SLC24A2: variants seen among roughly 807,000 people sequenced by gnomAD.
SLC24A2 encodes the protein solute carrier family 24 member 2.
Under a neutral mutation model 62.0 loss-of-function variants are expected in SLC24A2, and 36 were observed. The ratio of observed to expected loss-of-function variants is 0.58; its 90% CI spans 0.44 to 0.77. SLC24A2 has a LOEUF of 0.77. Among genes scored for constraint, SLC24A2 ranks in the 30% least tolerant of loss-of-function variants. The pLI, the probability that SLC24A2 is intolerant of heterozygous loss-of-function variation, is 0.00. For synonymous variants in SLC24A2, 358 were observed against 294.0 expected (o/e 1.22, Z -2.23); for missense variants, 846 against 817.9 (o/e 1.03, Z -0.42).
chr9:20,131,620 T>A, the SLC24A2 span, among the ~76,000 whole-genome samples: 1 of 152,148 alleles, frequency 6.6e-6, no homozygotes, highest in Non-Finnish European at 1.5e-5. Context: ...AGGAGGCTTT[T>A]GATTATTCTT....
chr9:19,885,180 A>C, the SLC24A2 span, among the ~76,000 whole-genome samples: 274 of 152,312 alleles, frequency 1.8e-3, no homozygotes, highest in African/African-American at 6.4e-3. Flanking sequence ...CCTCAAGAAG[A>C]ACTCTCACTG....
chr9:19,969,679 G>T, the SLC24A2 span, among the ~76,000 whole-genome samples: 2 of 152,194 alleles, frequency 1.3e-5, no homozygotes, highest in East Asian at 1.9e-4. Flanking sequence ...CAAGGCGGTA[G>T]AAAGTTGGAA....
At chr9:19,762,140 C>A (rs543738785) in intron 2 of SLC24A2, among the ~76,000 whole-genome samples, 1 of 151,998 alleles carries the variant, frequency 6.6e-6, no homozygotes, top group African/African-American at 2.4e-5. Context: ...ATATCCTTTG[C>A]CCACTTTTTG....
At chr9:19,600,382 G>C (rs1395950032) in intron 4 of SLC24A2, among the ~76,000 whole-genome samples, 1 of 152,044 alleles carries the variant, frequency 6.6e-6, no homozygotes, top group Admixed American at 6.5e-5. Context: ...TTTTTGTTTT[G>C]TTTTAAACTT....
At chr9:19,662,833 G>A (rs909786822) in intron 2 of SLC24A2, among the ~76,000 whole-genome samples, 25 of 152,044 alleles carry the variant, frequency 1.6e-4, no homozygotes, top group Admixed American at 1.6e-3. Context: ...ACTCACAATT[G>A]CTCCTTGGTT....
chr9:20,254,783 C>T, the SLC24A2 span, among the ~76,000 whole-genome samples: 1 of 152,098 alleles, frequency 6.6e-6, no homozygotes, highest in Non-Finnish European at 1.5e-5. Flanking sequence ...ATACCCAAGA[C>T]TGGATGATTT....
rs114662133 is a variant in SLC24A2, at chr9:19,575,874, C to T, written c.1228+1050G>A. Among the ~76,000 whole-genome samples, 297 of 152,224 alleles carry T rather than the reference C, an allele frequency of 2.0e-3. 3 individuals are homozygous for T. Among genetic ancestry groups the T allele is most frequent in the African/African-American group, 6.8e-3 (284 of 41,522 alleles). ...CATCACAAACAAAACTCAACCTATG[C>T]GGTAGACTTTCATGGTGTGGCTTTA... On this transcript the variant is annotated intron_variant, in intron 6 of 10. Coordinates refer to ENST00000341998, the MANE Select transcript of SLC24A2 (RefSeq NM_020344.4).
the SLC24A2 span, among the ~76,000 whole-genome samples, chr9:20,017,614 G>A: frequency 6.6e-6 from 1 of 152,096 alleles, no homozygotes; most frequent in African/African-American, 2.4e-5. Flanking sequence ...GCCAGTGCGA[G>A]CCCCAAAACC....
chr9:20,260,161 G>C, the SLC24A2 span, among the ~76,000 whole-genome samples: 2 of 152,222 alleles, frequency 1.3e-5, no homozygotes, highest in African/African-American at 4.8e-5. Flanking sequence ...CTTCATTAGT[G>C]AGCTTAGTGC....
At chr9:19,520,775 T>C in intron 10 of SLC24A2, 119 bp downstream of exon 10, 1 of 881,758 alleles carries the variant, frequency 1.1e-6, no homozygotes, top group Non-Finnish European at 1.9e-6. Flanking sequence ...CAATCTTTAC[T>C]CTGTATTGGT....
chr9:19,930,146 A>T, the SLC24A2 span, among the ~76,000 whole-genome samples: 1 of 152,218 alleles, frequency 6.6e-6, no homozygotes, highest in Non-Finnish European at 1.5e-5. Context: ...TAAAGTCTAC[A>T]GTAGTATACA....
the SLC24A2 span, among the ~76,000 whole-genome samples, chr9:20,085,162 A>T: frequency 2.6e-5 from 4 of 151,990 alleles, no homozygotes; most frequent in South Asian, 8.3e-4. Context: ...TGCCCAGCTA[A>T]TTTTTAAAAA....
the SLC24A2 span, among the ~76,000 whole-genome samples, chr9:19,961,155 G>T: frequency 6.6e-6 from 1 of 150,976 alleles, no homozygotes; most frequent in Non-Finnish European, 1.5e-5. Flanking sequence ...GAGAGAGAGA[G>T]AGAGAGAGAG....
the SLC24A2 span, among the ~76,000 whole-genome samples, chr9:20,040,181 C>A: frequency 6.6e-6 from 1 of 152,192 alleles, no homozygotes; most frequent in African/African-American, 2.4e-5. Flanking sequence ...CATCTTGAAT[C>A]TAAGTCAAGA....
At chr9:20,081,518 T>A in the SLC24A2 span, among the ~76,000 whole-genome samples, 1 of 148,606 alleles carries the variant, frequency 6.7e-6, no homozygotes, top group South Asian at 2.2e-4. Flanking sequence ...TTAGGAGATA[T>A]ACCTAAGGTT....
chr9:19,649,641 A>C (rs747155519), intron 2 of SLC24A2, among the ~76,000 whole-genome samples: 33 of 152,226 alleles, frequency 2.2e-4, no homozygotes, highest in Non-Finnish European at 3.7e-4. Context: ...GGTCACCAGT[A>C]CTAGCATGTT....
chr9:20,119,073 G>A, the SLC24A2 span, among the ~76,000 whole-genome samples: 1 of 152,138 alleles, frequency 6.6e-6, no homozygotes, highest in South Asian at 2.1e-4. Flanking sequence ...CAGCCTTCAA[G>A]AACTGAACGC....
chr9:20,009,656 A>T, the SLC24A2 span, among the ~76,000 whole-genome samples: 5 of 152,160 alleles, frequency 3.3e-5, no homozygotes, highest in African/African-American at 1.2e-4. Context: ...AGAAAGGAAC[A>T]TCTGTCCCTG....
At chr9:19,770,806 T>C (rs572350877) in intron 2 of SLC24A2, among the ~76,000 whole-genome samples, 60 of 152,348 alleles carry the variant, frequency 3.9e-4, no homozygotes, top group African/African-American at 1.4e-3. Flanking sequence ...AGGTTAAAGA[T>C]AGAGAAGAGC....
Sources: allele counts gnomAD v4.1 joint callset (sites outside exome capture counted in the v4.1 genomes callset), GRCh38; gene constraint gnomAD v4.1.1; transcripts MANE v1.5; gene names NCBI Gene and HGNC (gene_info 2026-07-23, HGNC 2026-07-21).